The following PCLO variants were observed in gnomAD, a reference collection of about 807,000 sequenced individuals.
The protein encoded by PCLO is piccolo presynaptic cytomatrix protein.
Under a neutral mutation model 427.5 loss-of-function variants are expected in PCLO, and 82 were observed. The observed-to-expected ratio is 0.19, with a 90% CI of 0.16 to 0.23. The LOEUF (loss-of-function observed/expected upper bound fraction) is 0.23, where lower values mean the gene tolerates loss of function less well. Among genes scored for constraint, PCLO ranks in the 10% least tolerant of loss-of-function variants. The pLI is 1.00. For synonymous variants in PCLO, 2,357 were observed against 2,155.4 expected (o/e 1.09, Z -2.59); for missense variants, 6,239 against 6,115.9 (o/e 1.02, Z -0.67).
At chr7:83,050,937 T>A (rs1002856801) in intron 3 of PCLO, among the ~76,000 whole-genome samples, 2 of 151,812 alleles carry the variant, frequency 1.3e-5, no homozygotes, top group African/African-American at 4.8e-5. Flanking sequence ...ATTAATGTAA[T>A]TCTTCACATC....
At chr7:82,869,876 A>C (rs1435531210) in intron 10 of PCLO, among the ~76,000 whole-genome samples, 1 of 152,060 alleles carries the variant, frequency 6.6e-6, no homozygotes, top group African/African-American at 2.4e-5. Flanking sequence ...ACTATAAAAC[A>C]TGAAATATCT....
intron 3 of PCLO, among the ~76,000 whole-genome samples, chr7:83,060,389 G>T (rs1247137260): frequency 6.6e-6 from 1 of 152,070 alleles, no homozygotes; most frequent in Non-Finnish European, 1.5e-5. Context: ...ACCTGACCTT[G>T]CTGCTCATTA....
rs1795536447 is a variant in PCLO at position 82,956,821 on chromosome 7, G to A, written c.4132C>T (p.Pro1378Ser). Residue 1378 changes from proline to serine, a missense_variant, in exon 5 of 25, where the codon CCA (proline) becomes TCA (serine). Pro to Ser is a moderately conservative substitution (Grantham distance 74). Around this residue, in one of 5 missense-constraint regions of PCLO, gnomAD observed 4,677 missense variants for 4,468.4 expected, o/e 1.05. Transcript: ENST00000333891. ...DGISSSLGEIPSLIPTDEKDI... is the reference protein window; with the variant it reads ...DGISSSLGEISSLIPTDEKDI... ...TTTTCATCAGTTGGAATAAGACTTG[G>A]AATTTCACCAAGTGAGCTTGATATT... The A allele has an allele frequency of 6.2e-7, 1 of 1,613,614 alleles. No individual in the cohort carries two copies. Among genetic ancestry groups the A allele is most frequent in the African/African-American group, 1.3e-5 (1 of 74,898 alleles).
At chr7:82,835,950 T>A (rs1214153401) in intron 15 of PCLO, among the ~76,000 whole-genome samples, 1 of 152,110 alleles carries the variant, frequency 6.6e-6, no homozygotes, top group Non-Finnish European at 1.5e-5. Context: ...AGGAATTGAA[T>A]AGGGGTAGCT....
At chr7:82,968,320 G>A (rs1795824997) in intron 3 of PCLO, among the ~76,000 whole-genome samples, 1 of 152,052 alleles carries the variant, frequency 6.6e-6, no homozygotes, top group Admixed American at 6.5e-5. Context: ...TTTAATTAAT[G>A]TTTTTATATA....
chr7:82,888,318 T>C (rs769787305), intron 9 of PCLO, among the ~76,000 whole-genome samples: 5 of 152,150 alleles, frequency 3.3e-5, no homozygotes, highest in Non-Finnish European at 7.4e-5. Flanking sequence ...TTTAACTCTA[T>C]TTTAAGAGTT....
intron 20 of PCLO, among the ~76,000 whole-genome samples, chr7:82,806,497 T>G (rs979959692): frequency 3.3e-5 from 5 of 152,186 alleles, no homozygotes; most frequent in Admixed American, 6.6e-5. Flanking sequence ...ATACAGACAT[T>G]ACAAATTTGT....
chr7:82,772,478 A>G (rs957457110), intron 22 of PCLO, among the ~76,000 whole-genome samples: 1 of 151,912 alleles, frequency 6.6e-6, no homozygotes, highest in Non-Finnish European at 1.5e-5. Context: ...GTTTTCATTA[A>G]TTTTTTTTCC....
intron 3 of PCLO, among the ~76,000 whole-genome samples, chr7:83,118,608 A>G (rs771045900): frequency 6.6e-6 from 1 of 152,116 alleles, no homozygotes; most frequent in Non-Finnish European, 1.5e-5. Context: ...ACAGCAGAAC[A>G]CAACAGAGGG....
intron 3 of PCLO, among the ~76,000 whole-genome samples, chr7:83,124,564 G>A (rs1791376998): frequency 6.6e-6 from 1 of 152,178 alleles, no homozygotes; most frequent in Non-Finnish European, 1.5e-5. Flanking sequence ...TTGTTGATGG[G>A]AATGTTAAGT....
At chr7:83,077,416 G>A (rs772070501) in intron 3 of PCLO, among the ~76,000 whole-genome samples, 5 of 151,954 alleles carry the variant, frequency 3.3e-5, no homozygotes, top group African/African-American at 7.3e-5. Flanking sequence ...CCCTGGTCTC[G>A]TCCTGACTGC....
chr7:82,997,767 T>C (rs1049927043), intron 3 of PCLO, among the ~76,000 whole-genome samples: 1 of 152,056 alleles, frequency 6.6e-6, no homozygotes, highest in African/African-American at 2.4e-5. Context: ...TCAATTTAAA[T>C]TTATTCTATT....
At chr7:83,077,623 C>A (rs1227353376) in intron 3 of PCLO, among the ~76,000 whole-genome samples, 2 of 152,004 alleles carry the variant, frequency 1.3e-5, no homozygotes, top group Non-Finnish European at 2.9e-5. Context: ...GTAATAAAGG[C>A]AATCAGGTCT....
intron 22 of PCLO, among the ~76,000 whole-genome samples, chr7:82,789,499 A>C (rs929304154): frequency 2.0e-5 from 3 of 152,118 alleles, no homozygotes; most frequent in African/African-American, 7.2e-5. Flanking sequence ...TGAGGTCAGG[A>C]GTTTGAGACC....
At chr7:83,080,343 G>A (rs1790066553) in intron 3 of PCLO, among the ~76,000 whole-genome samples, 1 of 152,132 alleles carries the variant, frequency 6.6e-6, no homozygotes, top group Non-Finnish European at 1.5e-5. Flanking sequence ...CACTAACAGT[G>A]TAAAAGCATT....
In PCLO at chr7:82,853,527, T is replaced by C. The variant is rs137921626; in HGVS notation, c.13655-6280A>G. Among the ~76,000 whole-genome samples the C allele has an allele frequency of 6.6e-5, 10 of 152,266 alleles. No individual in the cohort carries two copies. The East Asian group carries it at 1.9e-3, about 29-fold the overall frequency. ...ATGAAATCTTAATTGGTTTAAAAACTATAATTTTTTTAAACCCAATAACTA... is the reference window on the plus strand; with the variant it reads ...ATGAAATCTTAATTGGTTTAAAAACCATAATTTTTTTAAACCCAATAACTA... On this transcript the variant is annotated intron_variant, in intron 10 of 24. Coordinates refer to ENST00000333891, the MANE Select transcript of PCLO (RefSeq NM_033026.6).
chr7:83,035,413 A>T (rs1477073825), intron 3 of PCLO, among the ~76,000 whole-genome samples: 1 of 152,206 alleles, frequency 6.6e-6, no homozygotes, highest in African/African-American at 2.4e-5. Context: ...CATATCTGAC[A>T]GTTATGAAAA....
chr7:82,913,579 G>C (rs1030659305), intron 7 of PCLO, among the ~76,000 whole-genome samples: 4 of 151,890 alleles, frequency 2.6e-5, no homozygotes, highest in African/African-American at 9.7e-5. Flanking sequence ...AGAGTCAAGA[G>C]TCATGAATCC....
chr7:83,155,080 G>A lies in PCLO; in HGVS notation c.1561C>T (p.Pro521Ser), dbSNP rs375050419. ...PQQPGPAKPS[P>S]QQPGSTKPPS... Reference sequence around the variant, plus strand: ...GGTTTTGTTGAGCCAGGCTGTTGAGGTGAGGGCTTTGCTGGGCCAGGCTGT... The same window carrying A: ...GGTTTTGTTGAGCCAGGCTGTTGAGATGAGGGCTTTGCTGGGCCAGGCTGT... The change falls in exon 2 of 25, where the codon CCT (proline) becomes TCT (serine). Residue 521 changes from proline to serine, a missense_variant. By Grantham distance (74) the Pro-to-Ser change is moderately conservative. Around this residue, in one of 5 missense-constraint regions of PCLO, gnomAD observed 4,677 missense variants for 4,468.4 expected, o/e 1.05. Transcript: ENST00000333891. 4 of 1,604,562 alleles carry A rather than the reference G, an allele frequency of 2.5e-6. No homozygotes were observed. In the South Asian group the frequency reaches 3.3e-5, roughly 13 times the overall value.
Sources: gnomAD v4.1 joint callset for allele counts (sites outside exome capture counted in the v4.1 genomes callset) on GRCh38, gnomAD v4.1.1 for gene constraint, gnomAD v4.1.1 regional missense constraint, MANE v1.5 for transcripts, NCBI Gene and HGNC (gene_info 2026-07-23, HGNC 2026-07-21) for gene names.